Variants in FOXK2 observed in about 807,000 individuals in gnomAD.
FOXK2 encodes the protein forkhead box protein K2.
Under a neutral mutation model 53.3 loss-of-function variants are expected in FOXK2, and 24 were observed. The observed-to-expected ratio is 0.45, with a 90% confidence interval of 0.33 to 0.63. The LOEUF (loss-of-function observed/expected upper bound fraction) is 0.63, where lower values mean the gene tolerates loss of function less well. FOXK2 is among the 30% of genes least tolerant of loss of function. The pLI, the probability that FOXK2 is intolerant of heterozygous loss-of-function variation, is 0.03. For synonymous variants in FOXK2, 505 were observed against 407.1 expected (o/e 1.24, Z -2.89); for missense variants, 952 against 910.5 (o/e 1.05, Z -0.59).
chr17:82,564,706 A>G (rs775921773), intron 2 of FOXK2, among the ~76,000 whole-genome samples: 2 of 151,526 alleles, frequency 1.3e-5, no homozygotes, highest in Non-Finnish European at 1.5e-5. Flanking sequence ...GAGCCCAGAA[A>G]TAAACCCTCA....
chr17:82,565,597 CAAT>C (rs2044843956), intron 2 of FOXK2, among the ~76,000 whole-genome samples: 1 of 152,170 alleles, frequency 6.6e-6, no homozygotes, highest in Non-Finnish European at 1.5e-5. Context: ...AATCAAAACA[CAAT>C]GAGATCCCAC....
At chr17:82,545,276 TC>T (rs2044614037) in intron 1 of FOXK2, among the ~76,000 whole-genome samples, 2 of 152,192 alleles carry the variant, frequency 1.3e-5, no homozygotes, top group East Asian at 3.8e-4. Context: ...AGCTCGGAAT[TC>T]CTATCCCGAA....
chr17:82,547,427 C>T (rs1250976947), intron 1 of FOXK2, among the ~76,000 whole-genome samples: 1 of 151,896 alleles, frequency 6.6e-6, no homozygotes, highest in Non-Finnish European at 1.5e-5. Context: ...GGGCCACATT[C>T]AAAGCCATCC....
At position 82,570,486 on chromosome 17, in the gene FOXK2, G is replaced by A. The variant is rs370248668; in HGVS notation, c.763-1238G>A. ...CTGGCCTGGGCGACAGAGTGAGACC[G>A]TGTCCCCAGAAAAGAAAAGACAAAC... On this transcript the variant is annotated intron_variant, in intron 3 of 8. Transcript: ENST00000335255. Among the ~76,000 whole-genome samples, 136 of 152,184 alleles carry A rather than the reference G, an allele frequency of 8.9e-4. 2 individuals are homozygous for A. The highest frequency in any genetic ancestry group is 3.0e-3 in the African/African-American group (124 of 41,538).
intron 1 of FOXK2, among the ~76,000 whole-genome samples, chr17:82,526,723 G>A (rs1413695310): frequency 6.6e-6 from 1 of 152,046 alleles, no homozygotes; most frequent in Non-Finnish European, 1.5e-5. Flanking sequence ...CCAGCTACTT[G>A]GGAGGCTGAG....
intron 2 of FOXK2, among the ~76,000 whole-genome samples, chr17:82,564,467 C>T (rs1214074547): frequency 6.6e-6 from 1 of 151,796 alleles, no homozygotes; most frequent in Non-Finnish European, 1.5e-5. Flanking sequence ...AACTCCTGGA[C>T]TTAAGTGATC....
chr17:82,554,211 A>ACAT (rs2044702488), intron 1 of FOXK2, among the ~76,000 whole-genome samples: 1 of 152,234 alleles, frequency 6.6e-6, no homozygotes, highest in East Asian at 1.9e-4. Flanking sequence ...GCATAAAGAG[A>ACAT]CATCACTAAA....
intron 1 of FOXK2, among the ~76,000 whole-genome samples, chr17:82,563,074 T>TG (rs1001996080): frequency 1.3e-5 from 2 of 152,174 alleles, no homozygotes; most frequent in Admixed American, 6.5e-5. Context: ...CCCAAAGTGC[T>TG]GGGATTACAA....
At chr17:82,601,115 C>T (rs2045377491) in intron 8 of FOXK2, 188 bp from the exon 9 acceptor site, 3 of 612,480 alleles carry the variant, frequency 4.9e-6, no homozygotes, top group Non-Finnish European at 2.8e-6. Flanking sequence ...CCCTTGGCCA[C>T]CGTGGGCCAG....
At chr17:82,570,488 G>A (rs955739995) in intron 3 of FOXK2, among the ~76,000 whole-genome samples, 2 of 152,222 alleles carry the variant, frequency 1.3e-5, no homozygotes, top group Non-Finnish European at 1.5e-5. Context: ...GTGAGACCGT[G>A]TCCCCAGAAA....
At position 82,573,524 on chromosome 17, in the gene FOXK2, A is replaced by T. The variant is rs552078974; in HGVS notation, c.909+1654A>T. ...TGAGGCTGTGCTTCAAACTATATAC[A>T]TACACACACACACTCTCTCTCTCTC... On this transcript the variant is annotated intron_variant, in intron 4 of 8. Transcript: ENST00000335255. Among the ~76,000 whole-genome samples, 379 of 145,306 alleles carry T rather than the reference A, an allele frequency of 2.6e-3. 2 individuals carry two copies. The highest frequency in any genetic ancestry group is 4.2e-3 in the Non-Finnish European group (280 of 65,934).
At chr17:82,520,331 G>A in intron 1 of FOXK2, 24 bp downstream of exon 1, 1 of 1,251,750 alleles carries the variant, frequency 8.0e-7, no homozygotes, top group Non-Finnish European at 1.0e-6. Context: ...GGGCGGGGCG[G>A]GCGGGGTCTG....
chr17:82,585,465 T>G (rs917773156), intron 6 of FOXK2, among the ~76,000 whole-genome samples: 1 of 152,142 alleles, frequency 6.6e-6, no homozygotes, highest in African/African-American at 2.4e-5. Flanking sequence ...GCTGGGGCTG[T>G]AGGCGCACAG....
chr17:82,581,540 A>G (rs2045060053), intron 4 of FOXK2, among the ~76,000 whole-genome samples: 1 of 150,964 alleles, frequency 6.6e-6, no homozygotes, highest in African/African-American at 2.4e-5. Flanking sequence ...CAGTGGCGCA[A>G]TCTCGGCTCA....
intron 3 of FOXK2, among the ~76,000 whole-genome samples, chr17:82,568,607 A>G (rs2044878458): frequency 2.0e-5 from 3 of 152,208 alleles, no homozygotes; most frequent in South Asian, 2.1e-4. Flanking sequence ...ACTTGTTTGG[A>G]CAGCAGTTGT....
At chr17:82,524,980 CT>C (rs371491887) in intron 1 of FOXK2, among the ~76,000 whole-genome samples, 244 of 138,168 alleles carry the variant, frequency 1.8e-3, no homozygotes, top group Middle Eastern at 0.011. Context: ...GACAAGGTGG[CT>C]TTTTTTTTTT....
intron 2 of FOXK2, among the ~76,000 whole-genome samples, chr17:82,567,781 C>G (rs1172739966): frequency 6.8e-6 from 1 of 147,620 alleles, no homozygotes. Context: ...GCCACTGCCT[C>G]CCCTGAGAGC....
intron 4 of FOXK2, among the ~76,000 whole-genome samples, chr17:82,573,082 A>G (rs1022403491): frequency 6.6e-6 from 1 of 151,878 alleles, no homozygotes; most frequent in Non-Finnish European, 1.5e-5. Context: ...AGTCCCAGCT[A>G]CTCCAGAGGC....
chr17:82,535,938 C>T (rs2044516523), intron 1 of FOXK2, among the ~76,000 whole-genome samples: 1 of 152,040 alleles, frequency 6.6e-6, no homozygotes, highest in African/African-American at 2.4e-5. Context: ...GATGGGGTTT[C>T]TCCATGTTGG....
Sources: gnomAD v4.1 joint callset for allele counts (sites outside exome capture counted in the v4.1 genomes callset) on GRCh38, gnomAD v4.1.1 for gene constraint, MANE v1.5 for transcripts, NCBI Gene and HGNC (gene_info 2026-07-23, HGNC 2026-07-21) for gene names.